PTPRD: variants seen among roughly 807,000 people sequenced by gnomAD.
PTPRD encodes protein tyrosine phosphatase receptor type D.
In PTPRD, 34 loss-of-function variants were observed where a neutral mutation model predicts 214.5. The observed-to-expected ratio is 0.16, with a 90% CI of 0.12 to 0.21. The LOEUF (loss-of-function observed/expected upper bound fraction) is 0.21. Among genes scored for constraint, PTPRD ranks in the 10% least tolerant of loss-of-function variants. The pLI is 1.00. For missense variants in PTPRD, 2,545 were observed against 2,398.7 expected (o/e 1.06, Z -1.27); for synonymous variants, 1,128 against 845.7 (o/e 1.33, Z -5.79).
chr9:8,437,350 G>C, intron 34 of PTPRD: 2 of 829,136 alleles, frequency 2.4e-6, no homozygotes, highest in South Asian at 1.9e-5. Flanking sequence ...AATGCTGCAA[G>C]TTTTTACAGA....
At chr9:8,710,454 A>G (rs1396665976) in intron 12 of PTPRD, among the ~76,000 whole-genome samples, 1 of 152,086 alleles carries the variant, frequency 6.6e-6, no homozygotes, top group Non-Finnish European at 1.5e-5. Context: ...CGTCTCTACA[A>G]AAAATACAAA....
intron 7 of PTPRD, among the ~76,000 whole-genome samples, chr9:9,711,489 C>T (rs2097728498): frequency 6.6e-6 from 1 of 151,896 alleles, no homozygotes; most frequent in African/African-American, 2.4e-5. Flanking sequence ...AAATTATATG[C>T]CTAATAATAA....
At chr9:10,037,333 C>G (rs891827758) in intron 3 of PTPRD, among the ~76,000 whole-genome samples, 10 of 151,944 alleles carry the variant, frequency 6.6e-5, no homozygotes, top group African/African-American at 2.4e-4. Context: ...ACACCATCCC[C>G]CTTGGTGGTG....
At chr9:10,422,219 C>T (rs999231232) in intron 2 of PTPRD, among the ~76,000 whole-genome samples, 11 of 151,962 alleles carry the variant, frequency 7.2e-5, no homozygotes, top group Non-Finnish European at 1.0e-4. Context: ...AAAGGATTCC[C>T]TATTTAATAA....
intron 3 of PTPRD, among the ~76,000 whole-genome samples, chr9:10,106,847 T>A (rs1296171874): frequency 6.6e-6 from 1 of 151,992 alleles, no homozygotes; most frequent in Non-Finnish European, 1.5e-5. Context: ...ATTGAAACTT[T>A]TGGCAGTGAC....
At chr9:8,552,169 T>C (rs1386375321) in intron 14 of PTPRD, among the ~76,000 whole-genome samples, 1 of 151,994 alleles carries the variant, frequency 6.6e-6, no homozygotes, top group African/African-American at 2.4e-5. Context: ...AACTGACCTA[T>C]TACCAATAAC....
In PTPRD at chr9:10,074,799, A is replaced by G. The variant is rs373710961; in HGVS notation, c.-544-41009T>C. Among the ~76,000 whole-genome samples the G allele has an allele frequency of 2.0e-5, 3 of 152,144 alleles. No individual in the cohort carries two copies. In the East Asian group the frequency reaches 5.8e-4, roughly 29 times the overall value. ...TGATAAGCTCTGCTGAAGCACACAC[A>G]GTATATATAGCATCAATCCGAAGCC... On this transcript the variant is annotated intron_variant, in intron 3 of 45. Coordinates refer to ENST00000381196, the MANE Select transcript of PTPRD (RefSeq NM_002839.4).
rs367926827 is a variant in PTPRD at position 8,823,689 on chromosome 9, A to G, written c.-103-89743T>C. ...GGAAAGGGAAAAGGAAAGGGAAAGG[A>G]AAGGGAAAGGAAAGGAAAGGCGGAA... On this transcript the variant is annotated intron_variant, in intron 11 of 45. Transcript: ENST00000381196. Among the ~76,000 whole-genome samples the G allele has an allele frequency of 4.1e-5, 6 of 147,222 alleles. No homozygotes were observed. The South Asian group carries it at 8.7e-4, about 21-fold the overall frequency.
chr9:9,174,721 T>A (rs1401107072), intron 10 of PTPRD, among the ~76,000 whole-genome samples: 1 of 152,222 alleles, frequency 6.6e-6, no homozygotes, highest in Non-Finnish European at 1.5e-5. Context: ...TTGAAAAATG[T>A]AATTCTGCCT....
intron 2 of PTPRD, among the ~76,000 whole-genome samples, chr9:10,374,715 T>A (rs2097694246): frequency 6.6e-6 from 1 of 152,058 alleles, no homozygotes; most frequent in African/African-American, 2.4e-5. Context: ...TCTCTATGAT[T>A]GGAAAGGACC....
At chr9:9,560,450 T>G (rs1454399369) in intron 8 of PTPRD, among the ~76,000 whole-genome samples, 1 of 152,208 alleles carries the variant, frequency 6.6e-6, no homozygotes, top group Non-Finnish European at 1.5e-5. Context: ...CTCCTTGGTG[T>G]TGTGCACCTC....
chr9:8,944,032 G>A (rs757892007), intron 11 of PTPRD, among the ~76,000 whole-genome samples: 1 of 151,852 alleles, frequency 6.6e-6, no homozygotes, highest in Admixed American at 6.6e-5. Flanking sequence ...GAATATGTAA[G>A]GAGCTCAAAC....
chr9:10,558,168 C>T (rs1438903122), intron 2 of PTPRD, among the ~76,000 whole-genome samples: 1 of 151,798 alleles, frequency 6.6e-6, no homozygotes, highest in Non-Finnish European at 1.5e-5. Flanking sequence ...ACTTAGTGCC[C>T]CAAAGAACAG....
At chr9:8,637,060 T>C (rs2096459203) in intron 12 of PTPRD, among the ~76,000 whole-genome samples, 1 of 152,180 alleles carries the variant, frequency 6.6e-6, no homozygotes, top group Non-Finnish European at 1.5e-5. Context: ...TATCTATTAG[T>C]GCTTTTATTG....
At chr9:8,450,609 T>C (rs1414403351) in intron 33 of PTPRD, among the ~76,000 whole-genome samples, 2 of 152,194 alleles carry the variant, frequency 1.3e-5, no homozygotes, top group Non-Finnish European at 2.9e-5. Context: ...ATAAATGTGA[T>C]TCTTCACACA....
At chr9:8,702,499 G>T (rs1318737087) in intron 12 of PTPRD, among the ~76,000 whole-genome samples, 1 of 152,112 alleles carries the variant, frequency 6.6e-6, no homozygotes, top group Non-Finnish European at 1.5e-5. Flanking sequence ...GTTTTGAAGA[G>T]ATAAAAATAA....
At chr9:9,066,632 C>A (rs763588545) in intron 10 of PTPRD, among the ~76,000 whole-genome samples, 1 of 151,932 alleles carries the variant, frequency 6.6e-6, no homozygotes, top group Non-Finnish European at 1.5e-5. Flanking sequence ...CTTGAGTGGA[C>A]CCTAAATGTG....
intron 5 of PTPRD, among the ~76,000 whole-genome samples, chr9:9,937,522 A>T (rs2089984239): frequency 6.6e-6 from 1 of 152,070 alleles, no homozygotes. Flanking sequence ...GACTATAAAA[A>T]CATAATTCTG....
At chr9:9,699,736 AG>A (rs1391550911) in intron 7 of PTPRD, among the ~76,000 whole-genome samples, 3 of 152,334 alleles carry the variant, frequency 2.0e-5, no homozygotes, top group African/African-American at 7.2e-5. Context: ...TTAAAGTTTT[AG>A]TAGTTGAAAA....
Sources: allele counts gnomAD v4.1 joint callset (sites outside exome capture counted in the v4.1 genomes callset), GRCh38; gene constraint gnomAD v4.1.1; transcripts MANE v1.5; gene names NCBI Gene and HGNC (gene_info 2026-07-23, HGNC 2026-07-21).